KIF7: variants seen among roughly 807,000 people sequenced by gnomAD.
KIF7 encodes the protein kinesin family member 7.
A neutral mutation model predicts 135.7 loss-of-function variants in KIF7; 104 were observed. The observed-to-expected ratio is 0.77, with a 90% CI of 0.65 to 0.90. KIF7 has a LOEUF of 0.90. Ranked by LOEUF, KIF7 falls within the 40% of genes least tolerant of loss-of-function variation. The pLI is 0.00. For synonymous variants in KIF7, 883 were observed against 809.4 expected (o/e 1.09, Z -1.54); for missense variants, 2,005 against 1,839.1 (o/e 1.09, Z -1.65).
chr15:89,638,875 C>A (rs1963863868), intron 11 of KIF7, among the ~76,000 whole-genome samples: 1 of 152,176 alleles, frequency 6.6e-6, no homozygotes. Flanking sequence ...GGAAGCATCA[C>A]ACTACCTGAC....
downstream of KIF7, chr15:89,624,460 C>T (rs750897187): frequency 3.5e-5 from 57 of 1,614,016 alleles, no homozygotes; most frequent in South Asian, 1.9e-4. Flanking sequence ...AGTTGGGAAA[C>T]GGTGTAGAAA....
At chr15:89,638,742 G>A (rs990712819) in intron 11 of KIF7, among the ~76,000 whole-genome samples, 1 of 151,720 alleles carries the variant, frequency 6.6e-6, no homozygotes, top group Non-Finnish European at 1.5e-5. Flanking sequence ...CAGATTCAAT[G>A]CCATCCCCAT....
At chr15:89,620,281 T>A (rs1963403402) in intron 1 of KIF7, among the ~76,000 whole-genome samples, 2 of 152,182 alleles carry the variant, frequency 1.3e-5, no homozygotes, top group African/African-American at 4.8e-5. Context: ...CGAACACAGC[T>A]CACTGTAGCC....
chr15:89,618,155 C>T (rs745703194), exon 2 of KIF7: 1 of 1,613,994 alleles, frequency 6.2e-7, no homozygotes, highest in African/African-American at 1.3e-5. Flanking sequence ...CCTCGAGGTC[C>T]TCTGATCCTG....
Position 89,621,360 on chromosome 15 carries a change from G to T in KIF7, c.181-3165C>A. ...TATTGGAAGAACAGGAATTGAGAAA[G>T]AATTAAATATTGTTGCTGTTTTTGA... On this transcript the variant is annotated intron_variant and NMD_transcript_variant, in intron 1 of 2. Coordinates refer to the KIF7 transcript ENST00000558928. 4 of 1,583,802 alleles carry T rather than the reference G, an allele frequency of 2.5e-6. No individual in the cohort carries two copies. In the East Asian group the frequency reaches 6.7e-5, roughly 27 times the overall value.
downstream of KIF7, chr15:89,624,418 T>A: frequency 6.2e-7 from 1 of 1,614,202 alleles, no homozygotes; most frequent in Non-Finnish European, 8.5e-7. Flanking sequence ...GAGAGCTACA[T>A]TGGACACCGT....
chr15:89,643,217 T>C (rs1444588186), intron 10 of KIF7, among the ~76,000 whole-genome samples: 1 of 152,324 alleles, frequency 6.6e-6, no homozygotes, highest in South Asian at 2.1e-4. Flanking sequence ...AAATTATATT[T>C]TTCTAAATAA....
At chr15:89,621,506 C>T (rs1487677094) in intron 1 of KIF7, 14 of 1,613,838 alleles carry the variant, frequency 8.7e-6, no homozygotes, top group East Asian at 2.2e-5. Context: ...AATGAAAAAG[C>T]GTTCAAGAAA....
chr15:89,647,658 C>T lies in KIF7; in HGVS notation c.1498G>A (p.Glu500Lys). The change falls in exon 6 of 19, where the codon GAG becomes AAG. Residue 500 changes from glutamate to lysine, a missense_variant. Transcript: ENST00000394412. ...LTLQNQVARL[E>K]EENRDFLAAL... is the part of the protein sequence containing the mutation. ...GCCAGAAAGTCTCGGTTCTCCTCCT[C>T]CAGCCGCGCCACCTGGTTCTGCAGG... 1.2e-6 allele frequency: 2 copies of T among 1,610,434 alleles called. No individual in the cohort carries two copies. The highest frequency in any genetic ancestry group is 1.7e-6 in the Non-Finnish European group (2 of 1,179,586).
chr15:89,646,945 G>C lies in KIF7; in HGVS notation c.1673C>G (p.Ser558Cys). ...GGCTGTATGAGGTCGAGGCACAAAG[G>C]ACCCGGGAGGCAGGCCATTCAGGAG... The part of the protein sequence containing the change: ...PRLLNGLPPG[S>C]FVPRPHTAPL... The change falls in exon 7 of 19, where the codon TCC becomes TGC. Residue 558 changes from serine to cysteine, a missense_variant. Ser to Cys is a moderately radical substitution (Grantham distance 112, BLOSUM62 -1). Transcript: ENST00000394412. 6.2e-7 allele frequency: 1 copy of C among 1,613,834 alleles called. No individual in the cohort carries two copies. The highest frequency in any genetic ancestry group is 8.5e-7 in the Non-Finnish European group (1 of 1,179,928).
Position 89,631,510 on chromosome 15 carries a change from A to T in KIF7, c.3096T>A (p.Ser1032Arg), listed in dbSNP as rs771203785. 3 of 1,577,302 alleles carry T rather than the reference A, an allele frequency of 1.9e-6. No homozygotes were observed. The highest frequency in any genetic ancestry group is 2.7e-5 in the African/African-American group (2 of 73,946). ...LEIDGKLRQGSLLSPEEERTL... is the reference protein window; with the variant it reads ...LEIDGKLRQGRLLSPEEERTL... ...CGCAGGGTACCTCGGGGGACAGCAG[A>T]CTCCCCTGCCTCAGCTTGCCGTCGA... Residue 1032 changes from serine (S) to arginine (R), a missense_variant, in exon 15 of 19, where the codon AGT becomes AGA. Ser to Arg is a moderately radical substitution (Grantham distance 110, BLOSUM62 -1). Coordinates refer to ENST00000394412, the MANE Select transcript of KIF7 (RefSeq NM_198525.3).
intron 2 of KIF7, among the ~76,000 whole-genome samples, chr15:89,617,517 T>C (rs1435840613): frequency 6.6e-6 from 1 of 152,070 alleles, no homozygotes; most frequent in Non-Finnish European, 1.5e-5. Context: ...CAAAACCACA[T>C]TCTAACCATC....
intron 6 of KIF7, among the ~76,000 whole-genome samples, 198 bp downstream of exon 6, chr15:89,647,398 C>G (rs1326084389): frequency 6.6e-6 from 1 of 152,144 alleles, no homozygotes; most frequent in African/African-American, 2.4e-5. Context: ...CAAAGCTGCC[C>G]TGCCTGGCGG....
intron 11 of KIF7, among the ~76,000 whole-genome samples, chr15:89,636,347 A>G (rs1314173937): frequency 7.0e-6 from 1 of 143,780 alleles, no homozygotes; most frequent in Non-Finnish European, 1.5e-5. Flanking sequence ...TTAAATGTAA[A>G]TGGACTAAAT....
chr15:89,661,491 G>A, the KIF7 span, among the ~76,000 whole-genome samples: 1 of 152,138 alleles, frequency 6.6e-6, no homozygotes, highest in African/African-American at 2.4e-5. Context: ...TGTCATGCAG[G>A]ATGTTTTAAA....
intron 1 of KIF7, chr15:89,618,207 G>C: frequency 6.2e-7 from 1 of 1,614,080 alleles, no homozygotes; most frequent in Non-Finnish European, 8.5e-7. Context: ...TGAAAAAGGA[G>C]ATGGTGAGTG....
chr15:89,625,160 C>T, downstream of KIF7: 1 of 1,613,882 alleles, frequency 6.2e-7, no homozygotes, highest in Non-Finnish European at 8.5e-7. Context: ...TTAAGCAAAC[C>T]TGAACCCACC....
chr15:89,646,189 G>C (rs1396223201), intron 7 of KIF7, among the ~76,000 whole-genome samples, 163 bp from the exon 8 acceptor site: 1 of 152,214 alleles, frequency 6.6e-6, no homozygotes, highest in East Asian at 1.9e-4. Flanking sequence ...TGGGGTGAGA[G>C]CTTCCTCCCT....
chr15:89,657,502 A>G (rs1323286003), upstream of KIF7, among the ~76,000 whole-genome samples: 1 of 152,172 alleles, frequency 6.6e-6, no homozygotes, highest in Non-Finnish European at 1.5e-5. Context: ...GTGGATGTGC[A>G]GTGTTTTTCT....
Sources: allele counts gnomAD v4.1 joint callset (sites outside exome capture counted in the v4.1 genomes callset), GRCh38; gene constraint gnomAD v4.1.1; transcripts MANE v1.5; gene names NCBI Gene and HGNC (gene_info 2026-07-23, HGNC 2026-07-21).